Variants in RBFOX1 observed in about 807,000 individuals in gnomAD.
The protein encoded by RBFOX1 is RNA binding protein fox-1 homolog 1.
Under a neutral mutation model 57.7 loss-of-function variants are expected in RBFOX1, and 8 were observed. That is an observed-to-expected ratio of 0.14 (90% CI 0.08 to 0.25). The LOEUF (loss-of-function observed/expected upper bound fraction) is 0.25. Among genes scored for constraint, RBFOX1 ranks in the 10% least tolerant of loss-of-function variants. The pLI is 1.00. For synonymous variants in RBFOX1, 326 were observed against 222.4 expected (o/e 1.47, Z -4.15); for missense variants, 611 against 548.5 (o/e 1.11, Z -1.14).
intron 1 of RBFOX1, among the ~76,000 whole-genome samples, chr16:5,383,115 C>T (rs551244831): frequency 1.8e-4 from 28 of 152,302 alleles, no homozygotes; most frequent in African/African-American, 5.8e-4. Flanking sequence ...TTCCATCTGC[C>T]TAATTTCACA....
chr16:6,361,464 C>A (rs2088508709), intron 2 of RBFOX1, among the ~76,000 whole-genome samples: 1 of 151,836 alleles, frequency 6.6e-6, no homozygotes, highest in African/African-American at 2.4e-5. Context: ...CCCGTGTCTA[C>A]TAAAACTACA....
intron 3 of RBFOX1, among the ~76,000 whole-genome samples, chr16:5,785,727 A>G (rs147564554): frequency 5.9e-5 from 9 of 152,118 alleles, no homozygotes; most frequent in Non-Finnish European, 8.8e-5. Flanking sequence ...GGGTTTCTCC[A>G]TGTTGTTCAG....
intron 3 of RBFOX1, among the ~76,000 whole-genome samples, chr16:7,015,484 A>G (rs185482227): frequency 3.9e-4 from 59 of 152,306 alleles, no homozygotes; most frequent in African/African-American, 1.3e-3. Context: ...GTGTTCAGAC[A>G]GAGGCTGGGG....
chr16:6,725,144 G>T (rs553361924), intron 3 of RBFOX1, among the ~76,000 whole-genome samples: 1 of 149,186 alleles, frequency 6.7e-6, no homozygotes, highest in African/African-American at 2.5e-5. Context: ...TCTGCGTCCC[G>T]GGTTCACGCC....
At chr16:5,382,200 A>G (rs551355103) in intron 1 of RBFOX1, among the ~76,000 whole-genome samples, 2 of 152,224 alleles carry the variant, frequency 1.3e-5, no homozygotes, top group Non-Finnish European at 2.9e-5. Context: ...CTGAGGCTTC[A>G]TCAGTAATTG....
intron 3 of RBFOX1, among the ~76,000 whole-genome samples, chr16:5,686,132 A>G (rs1018802620): frequency 1.3e-5 from 2 of 152,170 alleles, no homozygotes; most frequent in Admixed American, 1.3e-4. Flanking sequence ...TCTACGTTGG[A>G]TGTTACTTGT....
chr16:5,943,436 A>G (rs866049309), intron 4 of RBFOX1, among the ~76,000 whole-genome samples: 20 of 152,198 alleles, frequency 1.3e-4, no homozygotes, highest in Admixed American at 5.9e-4. Flanking sequence ...AGCAGGAAAC[A>G]TTTCTGGGTC....
intron 1 of RBFOX1, among the ~76,000 whole-genome samples, chr16:6,210,382 AAAGG>A (rs1240552223): frequency 7.3e-6 from 1 of 136,070 alleles, no homozygotes; most frequent in African/African-American, 2.5e-5. Flanking sequence ...AAAAAAAGAG[AAAGG>A]AAGGAAGGAA....
intron 1 of RBFOX1, among the ~76,000 whole-genome samples, chr16:6,030,965 A>G (rs1396928310): frequency 6.6e-6 from 1 of 152,198 alleles, no homozygotes; most frequent in Non-Finnish European, 1.5e-5. Context: ...ATCTCTGCCT[A>G]GTGAAACTTA....
intron 1 of RBFOX1, among the ~76,000 whole-genome samples, chr16:6,156,644 T>A (rs755654855): frequency 1.2e-4 from 18 of 152,048 alleles, no homozygotes; most frequent in Non-Finnish European, 1.8e-4. Context: ...TGTGGGGGGA[T>A]CCAAGAGGAC....
intron 13 of RBFOX1, 29 bp downstream of exon 13, chr16:7,664,997 C>T (rs1375852162): frequency 6.2e-7 from 1 of 1,613,730 alleles, no homozygotes; most frequent in Non-Finnish European, 8.5e-7. Context: ...GCATGCCATC[C>T]CCGTTTCCTC....
intron 4 of RBFOX1, among the ~76,000 whole-genome samples, chr16:7,099,045 A>G (rs1459220065): frequency 6.6e-6 from 1 of 152,202 alleles, no homozygotes; most frequent in Non-Finnish European, 1.5e-5. Context: ...AATAGTTCAC[A>G]AACTATCCTT....
intron 4 of RBFOX1, among the ~76,000 whole-genome samples, chr16:5,980,924 C>T (rs1442205849): frequency 6.6e-6 from 1 of 152,050 alleles, no homozygotes; most frequent in Non-Finnish European, 1.5e-5. Context: ...TTCTATGTGC[C>T]ACAAGTAGGG....
At chr16:5,814,541 A>G (rs1360022726) in intron 3 of RBFOX1, among the ~76,000 whole-genome samples, 1 of 152,220 alleles carries the variant, frequency 6.6e-6, no homozygotes, top group East Asian at 1.9e-4. Context: ...TCAGGCTCAG[A>G]GGCCACACAA....
chr16:5,576,315 G>A (rs761877607), intron 2 of RBFOX1, among the ~76,000 whole-genome samples: 1 of 151,892 alleles, frequency 6.6e-6, no homozygotes, highest in South Asian at 2.1e-4. Context: ...TTTTTGATGG[G>A]GTCCTGTTAA....
chr16:6,878,885 T>C (rs1436692991), intron 3 of RBFOX1, among the ~76,000 whole-genome samples: 1 of 152,160 alleles, frequency 6.6e-6, no homozygotes, highest in East Asian at 1.9e-4. Context: ...CTTTGATAGT[T>C]CTCCCAGTAC....
At chr16:6,476,332 T>G (rs1262453800) in intron 2 of RBFOX1, among the ~76,000 whole-genome samples, 1 of 152,178 alleles carries the variant, frequency 6.6e-6, no homozygotes, top group Admixed American at 6.5e-5. Flanking sequence ...TCTTGTACAC[T>G]TAAAGCAAGA....
At chr16:7,403,255 T>A (rs1226085941) in intron 4 of RBFOX1, among the ~76,000 whole-genome samples, 1 of 152,148 alleles carries the variant, frequency 6.6e-6, no homozygotes, top group Non-Finnish European at 1.5e-5. Flanking sequence ...TAGAATCTAG[T>A]CTCTCAGCAA....
At chr16:5,767,769 G>C (rs1020082367) in intron 3 of RBFOX1, among the ~76,000 whole-genome samples, 1 of 152,122 alleles carries the variant, frequency 6.6e-6, no homozygotes, top group Admixed American at 6.5e-5. Context: ...CTCATTAGTT[G>C]CCTTTGCTGG....
Sources: gnomAD v4.1 joint callset for allele counts (sites outside exome capture counted in the v4.1 genomes callset) on GRCh38, gnomAD v4.1.1 for gene constraint, MANE v1.5 for transcripts, NCBI Gene and HGNC (gene_info 2026-07-23, HGNC 2026-07-21) for gene names.